Variants in SPAG16 observed in about 807,000 individuals in gnomAD.
The protein encoded by SPAG16 is sperm-associated antigen 16 protein.
In SPAG16, 86 loss-of-function variants were observed where a neutral mutation model predicts 80.4. The observed-to-expected ratio is 1.07, with a 90% CI of 0.90 to 1.28. SPAG16 has a LOEUF of 1.28. Among genes scored for constraint, SPAG16 ranks in the 50% most tolerant of loss-of-function variants. SPAG16 has a pLI of 0.00. For missense variants in SPAG16, 870 were observed against 765.3 expected, an observed-to-expected ratio of 1.14 and a Z score of -1.61; for synonymous variants, 294 against 265.9, an observed-to-expected ratio of 1.11 and a Z score of -1.03.
At chr2:213,509,975 T>TAA (rs2075157774) in intron 10 of SPAG16, among the ~76,000 whole-genome samples, 1 of 151,970 alleles carries the variant, frequency 6.6e-6, no homozygotes, top group Non-Finnish European at 1.5e-5. Flanking sequence ...TACAAAATGA[T>TAA]AAAGGGGATA....
intron 9 of SPAG16, among the ~76,000 whole-genome samples, chr2:213,457,844 C>T (rs2072123475): frequency 6.6e-6 from 1 of 151,910 alleles, no homozygotes; most frequent in Admixed American, 6.6e-5. Context: ...ATAAATTTTA[C>T]TACATACTTT....
At chr2:213,370,913 T>C (rs890567034) in intron 8 of SPAG16, among the ~76,000 whole-genome samples, 1 of 152,256 alleles carries the variant, frequency 6.6e-6, no homozygotes, top group African/African-American at 2.4e-5. Context: ...CTTTTAGTTA[T>C]GTATCCCAAC....
chr2:214,409,288 C>T (rs1189709789), intron 15 of SPAG16, among the ~76,000 whole-genome samples: 1 of 151,556 alleles, frequency 6.6e-6, no homozygotes, highest in African/African-American at 2.4e-5. Flanking sequence ...TTAAATAATC[C>T]CATGGATAGT....
At chr2:214,181,208 C>A (rs1421796344) in intron 15 of SPAG16, among the ~76,000 whole-genome samples, 1 of 151,850 alleles carries the variant, frequency 6.6e-6, no homozygotes, top group Non-Finnish European at 1.5e-5. Flanking sequence ...GTAGATGTAA[C>A]AAAGGAATAT....
intron 10 of SPAG16, among the ~76,000 whole-genome samples, chr2:213,761,897 CAAAAA>C (rs11307655): frequency 6.6e-6 from 1 of 150,504 alleles, no homozygotes; most frequent in East Asian, 2.0e-4. Context: ...AAAAACAAAA[CAAAAA>C]AAAACCCTAC....
chr2:213,684,969 G>C (rs183454487), intron 10 of SPAG16, among the ~76,000 whole-genome samples: 82 of 152,278 alleles, frequency 5.4e-4, no homozygotes, highest in African/African-American at 1.9e-3. Context: ...CTGTGATAAG[G>C]GGGTTTACAG....
At chr2:214,387,931 C>T (rs1700852758) in intron 15 of SPAG16, among the ~76,000 whole-genome samples, 1 of 152,114 alleles carries the variant, frequency 6.6e-6, no homozygotes, top group Non-Finnish European at 1.5e-5. Flanking sequence ...GGTGGGGACA[C>T]AGCCAAACCA....
rs756227483 is a variant in SPAG16 at position 213,350,549 on chromosome 2, T to G, written c.666T>G (p.Ser222=). 6.3e-7 allele frequency: 1 copy of G among 1,578,096 alleles called. No homozygotes were observed. The part of the protein sequence containing the change: ...DLKGLKLHYA[S]YEPTIRVLHE... ...ATAGGTTGAAGTTACATTATGCATC[T>G]TATGAACCGACTATAAGGGTGTTAC... is the stretch of plus-strand genomic sequence containing the variant. The change falls in exon 7 of 16, where the codon TCT becomes TCG. Residue 222 remains serine (S), a synonymous_variant. Transcript: ENST00000331683.
At chr2:213,837,959 G>A (rs550738894) in intron 10 of SPAG16, among the ~76,000 whole-genome samples, 1 of 152,252 alleles carries the variant, frequency 6.6e-6, no homozygotes, top group Admixed American at 6.5e-5. Flanking sequence ...TAATTAAGAT[G>A]CCAAAGAGGC....
At chr2:214,298,312 C>T (rs1694305068) in intron 15 of SPAG16, among the ~76,000 whole-genome samples, 2 of 152,086 alleles carry the variant, frequency 1.3e-5, no homozygotes, top group African/African-American at 2.4e-5. Context: ...CTGCTCAAGT[C>T]ATTTATCAAA....
At chr2:214,064,271 T>G (rs1462284560) in intron 13 of SPAG16, among the ~76,000 whole-genome samples, 1 of 152,088 alleles carries the variant, frequency 6.6e-6, no homozygotes, top group African/African-American at 2.4e-5. Context: ...ACTTTCATAG[T>G]TTTTAATTAT....
At chr2:214,066,650 ATGT>A (rs1437588003) in intron 13 of SPAG16, among the ~76,000 whole-genome samples, 1 of 152,200 alleles carries the variant, frequency 6.6e-6, no homozygotes, top group Non-Finnish European at 1.5e-5. Context: ...TAATAAAAAT[ATGT>A]TGTTTACTGA....
chr2:214,396,257 T>A (rs961554591), intron 15 of SPAG16, among the ~76,000 whole-genome samples: 3 of 152,262 alleles, frequency 2.0e-5, no homozygotes, highest in East Asian at 1.9e-4. Context: ...CTTTTTGTTG[T>A]TTATTTTAAT....
At chr2:213,803,172 A>AT (rs1364937244) in intron 10 of SPAG16, among the ~76,000 whole-genome samples, 1 of 152,226 alleles carries the variant, frequency 6.6e-6, no homozygotes, top group African/African-American at 2.4e-5. Flanking sequence ...CAATGGACAG[A>AT]TAACCTTTAA....
At chr2:213,536,247 C>T (rs147337619) in intron 10 of SPAG16, among the ~76,000 whole-genome samples, 131 of 152,082 alleles carry the variant, frequency 8.6e-4, no homozygotes, top group Non-Finnish European at 1.3e-3. Flanking sequence ...TATGAAATTT[C>T]GTTTTTACTG....
At chr2:213,889,045 AT>A (rs903437540) in intron 11 of SPAG16, among the ~76,000 whole-genome samples, 4 of 151,888 alleles carry the variant, frequency 2.6e-5, no homozygotes, top group Admixed American at 1.3e-4. Flanking sequence ...CCTTTAAGGG[AT>A]TTTTTTAAAG....
At chr2:214,277,960 C>A (rs1692599168) in intron 15 of SPAG16, among the ~76,000 whole-genome samples, 1 of 152,196 alleles carries the variant, frequency 6.6e-6, no homozygotes, top group Non-Finnish European at 1.5e-5. Flanking sequence ...GTGGTGGGGT[C>A]CACCAGTTCT....
intron 15 of SPAG16, among the ~76,000 whole-genome samples, chr2:214,244,272 A>G (rs1689688254): frequency 6.6e-6 from 1 of 151,966 alleles, no homozygotes; most frequent in South Asian, 2.1e-4. Flanking sequence ...TCAGCTCCCA[A>G]TGCAATTATA....
chr2:213,578,398 T>G (rs1225779486), intron 10 of SPAG16, among the ~76,000 whole-genome samples: 1 of 152,154 alleles, frequency 6.6e-6, no homozygotes, highest in Non-Finnish European at 1.5e-5. Flanking sequence ...AAGGTGTGTA[T>G]TCTTTGAAAT....
Sources: allele counts gnomAD v4.1 joint callset (sites outside exome capture counted in the v4.1 genomes callset), GRCh38; gene constraint gnomAD v4.1.1; transcripts MANE v1.5; gene names NCBI Gene and HGNC (gene_info 2026-07-23, HGNC 2026-07-21).